Variants in PAPLN observed in about 807,000 individuals in gnomAD.
The protein encoded by PAPLN is papilin.
In PAPLN, 146 loss-of-function variants were observed where a neutral mutation model predicts 159.0. The observed-to-expected ratio is 0.92, with a 90% confidence interval of 0.80 to 1.05. The LOEUF (loss-of-function observed/expected upper bound fraction) is 1.05. PAPLN is among the 50% of genes least tolerant of loss of function. The probability of loss-of-function intolerance (pLI) is 0.00; values close to 1 mark genes in which losing one functional copy is unlikely to be tolerated. For missense variants in PAPLN, 1,720 were observed against 1,743.9 expected, an observed-to-expected ratio of 0.99 and a Z score of 0.24; for synonymous variants, 734 against 702.9, an observed-to-expected ratio of 1.04 and a Z score of -0.70.
Position 73,264,607 on chromosome 14 carries a change from G to T in PAPLN, c.3006G>T (p.Leu1002=). The stretch of plus-strand genomic sequence containing the variant: ...TGACAGGGGGTGACATGGCCGTGCT[G>T]TCTGAGGCTGAGCTGAGCCGCTTCC... ...LRIIGGDMAV[L]SEAELSRFPQ... is the part of the protein sequence containing the mutation. Residue 1002 remains leucine (L), a synonymous_variant, in exon 22 of 27, where the codon CTG becomes CTT. Coordinates refer to ENST00000644200, the MANE Select transcript of PAPLN (RefSeq NM_001365906.3). 1 of 1,602,834 alleles carries T rather than the reference G, an allele frequency of 6.2e-7. No homozygotes were observed. The highest frequency in any genetic ancestry group is 1.3e-5 in the African/African-American group (1 of 74,200).
intron 20 of PAPLN, 62 bp from the exon 21 acceptor site, chr14:73,264,149 G>A: frequency 6.2e-7 from 1 of 1,607,346 alleles, no homozygotes. Flanking sequence ...CGAGGCGGAG[G>A]GAAGACTCAC....
chr14:73,262,515 G>T lies in PAPLN; in HGVS notation c.2411G>T (p.Cys804Phe). ...FASEQECMSS[C>F]QGSLHGPRRP... ...TCGGAGCAAGAGTGCATGAGCAGCT[G>T]CCAGGGATCTCTCCATGGGCCCCGT... Residue 804 changes from cysteine to phenylalanine, a missense_variant, in exon 19 of 27, where the codon TGC becomes TTC. Transcript: ENST00000644200. 4 of 1,581,190 alleles carry T rather than the reference G, an allele frequency of 2.5e-6. No individual in the cohort carries two copies. The highest frequency in any genetic ancestry group is 1.8e-5 in the Admixed American group (1 of 54,364).
At chr14:73,248,296 C>T (rs867573271) in intron 5 of PAPLN, among the ~76,000 whole-genome samples, 5 of 150,048 alleles carry the variant, frequency 3.3e-5, no homozygotes, top group Middle Eastern at 3.4e-3. Context: ...TGGCTGTGGG[C>T]GTGACCCAGT....
In PAPLN at chr14:73,272,521, G is replaced by C. The variant is rs183206829; in HGVS notation, c.3694G>C (p.Gly1232Arg). 2 of 1,571,306 alleles carry C rather than the reference G, an allele frequency of 1.3e-6. No individual in the cohort carries two copies. The highest frequency in any genetic ancestry group is 3.4e-5 in the Admixed American group (2 of 58,432). The change falls in exon 27 of 27, where the codon GGC (glycine) becomes CGC (arginine). Residue 1232 changes from glycine (G) to arginine (R), a missense_variant. Physicochemically the swap from Gly to Arg is moderately radical, Grantham distance 125 (BLOSUM62 -2). Transcript: ENST00000644200. ...PAPTAQPRDP[G>R]RDCVDQPELA... The stretch of plus-strand genomic sequence containing the variant: ...ACCCACCGCCCAGCCCAGGGACCCT[G>C]GCAGGGACTGCGTCGACCAGCCAGA...
At position 73,257,753 on chromosome 14, in the gene PAPLN, C is replaced by CTTTTTTTTTTTT. The variant is rs562890068; in HGVS notation, c.1628-1209_1628-1198dup. Among the ~76,000 whole-genome samples, 166 of 91,244 alleles carry CTTTTTTTTTTTT rather than the reference C, an allele frequency of 1.8e-3. 15 individuals are homozygous for CTTTTTTTTTTTT. The highest frequency in any genetic ancestry group is 0.017 in the East Asian group (35 of 2,050). The allele number at this position is 91,244 out of a possible 152,430, so 59.9% of individuals were successfully genotyped here. On this transcript the variant is annotated intron_variant, in intron 14 of 26. Coordinates refer to ENST00000644200, the MANE Select transcript of PAPLN (RefSeq NM_001365906.3). ...GTTTTCATTATCTAGTCTCTTTCTTCTTTTTTTTTTTTTTTTTTTTTTTTT... is the reference window on the plus strand; with the variant it reads ...GTTTTCATTATCTAGTCTCTTTCTTCTTTTTTTTTTTTTTTTTTTTTTTTTTTTTTTTTTTTT...
At chr14:73,249,501 C>T (rs1438431586) in intron 5 of PAPLN, among the ~76,000 whole-genome samples, 1 of 151,982 alleles carries the variant, frequency 6.6e-6, no homozygotes, top group African/African-American at 2.4e-5. Flanking sequence ...TGGTGAAACC[C>T]CATCTCTACT....
At chr14:73,258,617 C>A (rs1423979990) in intron 14 of PAPLN, among the ~76,000 whole-genome samples, 14 of 30,872 alleles carry the variant, frequency 4.5e-4, no homozygotes, top group African/African-American at 2.3e-3. Flanking sequence ...GACCCTATCT[C>A]TAAAAAAAAA....
intron 20 of PAPLN, 164 bp downstream of exon 20, chr14:73,263,946 G>A: frequency 6.8e-7 from 1 of 1,470,398 alleles, no homozygotes; most frequent in South Asian, 1.2e-5. Context: ...TGACAGGTGT[G>A]TGTGACGGCC....
intron 25 of PAPLN, among the ~76,000 whole-genome samples, chr14:73,267,844 A>G (rs951762272): frequency 1.3e-5 from 2 of 152,012 alleles, no homozygotes; most frequent in African/African-American, 4.8e-5. Context: ...CCTCTTCACA[A>G]CCACCTTCCA....
At position 73,263,637 on chromosome 14, in the gene PAPLN, C is replaced by T. The variant is rs1199521576; in HGVS notation, c.2724-8C>T. On this transcript the variant is annotated splice_polypyrimidine_tract_variant and splice_region_variant and intron_variant, in intron 19 of 26. Transcript: ENST00000644200. ...CCAGTCAGCAGATCTCACTTCCCAC[C>T]TCTCCAGGATTAGCTTGGCAGGTGT... 1 of 1,613,684 alleles carries T rather than the reference C, an allele frequency of 6.2e-7. No individual in the cohort carries two copies. Among genetic ancestry groups the T allele is most frequent in the Non-Finnish European group, 8.5e-7 (1 of 1,179,996 alleles).
At chr14:73,260,975 C>A in intron 17 of PAPLN, 146 bp downstream of exon 17, 1 of 1,405,914 alleles carries the variant, frequency 7.1e-7, no homozygotes, top group Non-Finnish European at 9.4e-7. Context: ...CTGGAGGGCA[C>A]CGGGCTTCAA....
At position 73,244,803 on chromosome 14, in the gene PAPLN, G is replaced by GGGAT. The variant is rs1236664873; in HGVS notation, c.170+46_170+49dup. The stretch of plus-strand genomic sequence containing the variant: ...GGCCAGCTTGTTAAAGCAGGAGCAG[G>GGGAT]GGATGCTGCCTTCTGGGTGGTGGGC... On this transcript the variant is annotated intron_variant, in intron 3 of 26. Coordinates refer to ENST00000644200, the MANE Select transcript of PAPLN (RefSeq NM_001365906.3). 9.0e-6 allele frequency: 13 copies of GGGAT among 1,443,574 alleles called. No homozygotes were observed. In the South Asian group the frequency reaches 1.6e-4, roughly 18 times the overall value. 89.4% of individuals were successfully genotyped at this position (1,443,574 alleles called of 1,614,324 possible).
chr14:73,252,038 C>A lies in PAPLN; in HGVS notation c.864C>A (p.Asn288Lys). 3 of 1,610,984 alleles carry A rather than the reference C, an allele frequency of 1.9e-6. No individual in the cohort carries two copies. The highest frequency in any genetic ancestry group is 2.5e-6 in the Non-Finnish European group (3 of 1,178,686). The change falls in exon 10 of 27, where the codon AAC becomes AAA. Residue 288 changes from asparagine (N) to lysine (K), a missense_variant. By Grantham distance (94) the Asn-to-Lys change is moderately conservative (BLOSUM62 0). Transcript: ENST00000644200. ...GACAGCTCATCAGCCAGGAGCCCAACCCCGGTGTGCACTATGAGTACCACC... is the reference window on the plus strand; with the variant it reads ...GACAGCTCATCAGCCAGGAGCCCAAACCCGGTGTGCACTATGAGTACCACC... ...LVIELISQEP[N>K]PGVHYEYHLP...
intron 16 of PAPLN, 24 bp downstream of exon 16, chr14:73,259,569 C>T (rs781464974): frequency 1.3e-6 from 2 of 1,487,136 alleles, no homozygotes. Context: ...ACAGGTCTTC[C>T]TCCTCCCCCG....
intron 14 of PAPLN, 128 bp downstream of exon 14, chr14:73,255,146 C>T (rs991427060): frequency 7.7e-7 from 1 of 1,303,058 alleles, no homozygotes; most frequent in Non-Finnish European, 1.0e-6. Context: ...CCACTTCTCC[C>T]ATGTCTCCCC....
Position 73,262,613 on chromosome 14 carries a change from GA to G in PAPLN, c.2511del (p.Glu837AspfsTer127). On this transcript the variant is annotated frameshift_variant, in exon 19 of 27. Transcript: ENST00000644200. LOFTEE classifies it high-confidence loss of function. The part of the protein sequence containing the change: ...GGGSSPAGEQ[E>X]PSQHRTGAAV... ...CGGCAGCAGTCCTGCAGGCGAGCAG[GA>G]ACCCAGCCAGCACAGGACAGGGGCC... is the stretch of plus-strand genomic sequence containing the variant. 6.5e-7 allele frequency: 1 copy of G among 1,550,312 alleles called. No individual in the cohort carries two copies. Among genetic ancestry groups the G allele is most frequent in the Non-Finnish European group, 8.7e-7 (1 of 1,145,266 alleles).
chr14:73,267,204 C>T (rs1887315740), intron 25 of PAPLN, among the ~76,000 whole-genome samples: 1 of 152,212 alleles, frequency 6.6e-6, no homozygotes, highest in Non-Finnish European at 1.5e-5. Context: ...GCTCCAGACC[C>T]ACTGCCAAAT....
At position 73,254,912 on chromosome 14, in the gene PAPLN, A is replaced by G; in HGVS notation, c.1521A>G (p.Arg507=). ...GCTGCAGCTCGGGCACTCGGAGGCG[A>G]CAGGTCATCTGTGCCATTGGGCCGC... The part of the protein sequence containing the change: ...SKSCSSGTRR[R]QVICAIGPPS... The change falls in exon 14 of 27, where the codon CGA becomes CGG. Residue 507 remains arginine (R), a synonymous_variant. Transcript: ENST00000644200. The G allele has an allele frequency of 6.2e-7, 1 of 1,613,100 alleles. No individual in the cohort carries two copies. The highest frequency in any genetic ancestry group is 1.1e-5 in the South Asian group (1 of 91,064).
chr14:73,250,736 C>T (rs1885150923), intron 6 of PAPLN, among the ~76,000 whole-genome samples, 171 bp from the exon 7 acceptor site: 1 of 152,204 alleles, frequency 6.6e-6, no homozygotes, highest in African/African-American at 2.4e-5. Flanking sequence ...GCTGAGCAGA[C>T]AGAGAAGTGG....
Sources: allele counts gnomAD v4.1 joint callset (sites outside exome capture counted in the v4.1 genomes callset), GRCh38; gene constraint gnomAD v4.1.1; transcripts MANE v1.5; gene names NCBI Gene and HGNC (gene_info 2026-07-23, HGNC 2026-07-21).